Variants in AGPAT4 observed in about 807,000 individuals in gnomAD.
The protein encoded by AGPAT4 is 1-acylglycerol-3-phosphate O-acyltransferase 4, also known as 1-acyl-sn-glycerol-3-phosphate acyltransferase delta.
AGPAT4 carries 15 observed loss-of-function variants against 48.0 expected under a neutral mutation model. That is an observed-to-expected ratio of 0.31 (90% confidence interval 0.21 to 0.48). The LOEUF is 0.48. Among genes scored for constraint, AGPAT4 ranks in the 20% least tolerant of loss-of-function variants. The pLI is 0.99. For missense variants in AGPAT4, 314 were observed against 482.5 expected, an observed-to-expected ratio of 0.65 and a Z score of 3.27; for synonymous variants, 178 against 198.7, an observed-to-expected ratio of 0.90 and a Z score of 0.88.
chr6:161,248,839 A>T (rs1782734658), intron 1 of AGPAT4, among the ~76,000 whole-genome samples: 1 of 152,214 alleles, frequency 6.6e-6, no homozygotes, highest in Non-Finnish European at 1.5e-5. Context: ...TAAAATTCAT[A>T]TGGAACCAAA....
rs1562344742 is a variant in AGPAT4, at chr6:161,221,454, TA to T, written c.178+10581del. ...TCCTATCTTATCAATAAAATAAAGG[TA>T]GGGGTGGGAGAGATAGAAAGGAGAA... On this transcript the variant is annotated intron_variant, in intron 2 of 8. Coordinates refer to ENST00000320285, the MANE Select transcript of AGPAT4 (RefSeq NM_020133.3). The surrounding 1 kb of genome is among the most constrained non-coding windows in gnomAD (Gnocchi z 4.5). Among the ~76,000 whole-genome samples, 2 of 151,966 alleles carry T rather than the reference TA, an allele frequency of 1.3e-5. No homozygotes were observed. The highest frequency in any genetic ancestry group is 2.9e-5 in the Non-Finnish European group (2 of 68,002).
chr6:161,168,389 T>C (rs935746001), intron 2 of AGPAT4, among the ~76,000 whole-genome samples: 2 of 152,082 alleles, frequency 1.3e-5, no homozygotes, highest in African/African-American at 4.8e-5. Flanking sequence ...ACAGGCCAAA[T>C]GCCTCTCTGT....
Position 161,216,232 on chromosome 6 carries a change from A to G in AGPAT4, c.178+15804T>C, listed in dbSNP as rs368173408. ...GAACCCACGTTGGGGTTGGGTGGGA[A>G]TAACTCAATGGATGACTGAAGCAAA... On this transcript the variant is annotated intron_variant, in intron 2 of 8. Transcript: ENST00000320285. This position sits in a 1 kb window ranked among gnomAD's most constrained non-coding sequence, Gnocchi z 4.8. Among the ~76,000 whole-genome samples, 6 of 152,300 alleles carry G rather than the reference A, an allele frequency of 3.9e-5. No homozygotes were observed. The South Asian group carries it at 6.2e-4, about 16-fold the overall frequency.
chr6:161,181,948 G>A (rs1780610424), intron 2 of AGPAT4, among the ~76,000 whole-genome samples: 1 of 152,166 alleles, frequency 6.6e-6, no homozygotes, highest in African/African-American at 2.4e-5. Flanking sequence ...TACGTCCACA[G>A]CACATGAATG....
At position 161,266,429 on chromosome 6, in the gene AGPAT4, C is replaced by T. The variant is rs1171849958; in HGVS notation, c.-90+7509G>A. Reference sequence around the variant, plus strand: ...ATACCTCCATGCCATGAATGAGCACCCAGTGCAGTTATGAAGAGAGGACTG... The same window carrying T: ...ATACCTCCATGCCATGAATGAGCACTCAGTGCAGTTATGAAGAGAGGACTG... On this transcript the variant is annotated intron_variant, in intron 1 of 8. Transcript: ENST00000320285. The surrounding 1 kb of genome is among the most constrained non-coding windows in gnomAD (Gnocchi z 6.2). Among the ~76,000 whole-genome samples, 1 of 152,100 alleles carries T rather than the reference C, an allele frequency of 6.6e-6. No individual in the cohort carries two copies. The highest frequency in any genetic ancestry group is 2.4e-5 in the African/African-American group (1 of 41,402).
intron 2 of AGPAT4, among the ~76,000 whole-genome samples, chr6:161,230,372 A>G (rs561009872): frequency 1.0e-3 from 159 of 152,256 alleles, no homozygotes; most frequent in Non-Finnish European, 2.0e-3. Flanking sequence ...CCATAGGTGT[A>G]TGCAAGTCAC....
chr6:161,235,815 A>G lies in AGPAT4; in HGVS notation c.-89-3513T>C, dbSNP rs148588628. Among the ~76,000 whole-genome samples the G allele has an allele frequency of 1.5e-3, 236 of 152,270 alleles. 2 individuals carry two copies. The highest frequency in any genetic ancestry group is 4.2e-3 in the African/African-American group (176 of 41,560). On this transcript the variant is annotated intron_variant, in intron 1 of 8. Coordinates refer to ENST00000320285, the MANE Select transcript of AGPAT4 (RefSeq NM_020133.3). This position sits in a 1 kb window ranked among gnomAD's most constrained non-coding sequence, Gnocchi z 6.2. ...TACCAAGGGGGTACAGTGCTAAACC[A>G]TTCATGAGAACTCCGCCCCCGTGAT...
intron 2 of AGPAT4, among the ~76,000 whole-genome samples, chr6:161,199,810 G>A (rs1241434658): frequency 6.6e-6 from 1 of 152,182 alleles, no homozygotes; most frequent in African/African-American, 2.4e-5. Context: ...CAAGTTTCCT[G>A]AGGCCTCCCC....
intron 3 of AGPAT4, among the ~76,000 whole-genome samples, chr6:161,162,247 GGCACCCACGC>G (rs1296630914): frequency 6.6e-6 from 1 of 152,236 alleles, no homozygotes; most frequent in African/African-American, 2.4e-5. Context: ...CTGGCCTCCT[GGCACCCACGC>G]CCCTGCACAC....
At position 161,223,273 on chromosome 6, in the gene AGPAT4, G is replaced by A. The variant is rs1020316285; in HGVS notation, c.178+8763C>T. Among the ~76,000 whole-genome samples the A allele has an allele frequency of 9.2e-5, 14 of 152,196 alleles. No individual in the cohort carries two copies. Among genetic ancestry groups the A allele is most frequent in the African/African-American group, 1.9e-4 (8 of 41,442 alleles). On this transcript the variant is annotated intron_variant, in intron 2 of 8. Transcript: ENST00000320285. The surrounding 1 kb of genome is among the most constrained non-coding windows in gnomAD (Gnocchi z 6.3). ...GTTTGTTAAAGAATGCCTGCTGGGC[G>A]GCGACAGGCATTCTGCAGCGAATTA...
In AGPAT4 at chr6:161,264,653, T is replaced by C. The variant is rs529492612; in HGVS notation, c.-90+9285A>G. Among the ~76,000 whole-genome samples, 406 of 152,314 alleles carry C rather than the reference T, an allele frequency of 2.7e-3. No individual in the cohort carries two copies. The highest frequency in any genetic ancestry group is 9.0e-3 in the African/African-American group (373 of 41,572). On this transcript the variant is annotated intron_variant, in intron 1 of 8. Coordinates refer to ENST00000320285, the MANE Select transcript of AGPAT4 (RefSeq NM_020133.3). This position sits in a 1 kb window ranked among gnomAD's most constrained non-coding sequence, Gnocchi z 6.8. ...GGGCAGCAGGCTCCTCAAAGGCACT[T>C]GCAGGGTCGGCTCCCTCTTTGTATT...
At position 161,158,645 on chromosome 6, in the gene AGPAT4, G is replaced by A. The variant is rs186156637; in HGVS notation, c.349-4335C>T. Among the ~76,000 whole-genome samples the A allele has an allele frequency of 4.7e-4, 71 of 152,318 alleles. No individual in the cohort carries two copies. Among genetic ancestry groups the A allele is most frequent in the African/African-American group, 1.5e-3 (62 of 41,576 alleles). On this transcript the variant is annotated intron_variant, in intron 3 of 8. Transcript: ENST00000320285. The surrounding 1 kb of genome is among the most constrained non-coding windows in gnomAD (Gnocchi z 5.3). ...GCCAGCCCTTGCAGAGACCCTGGAC[G>A]TTGGGAAGAGCTGACGCAGAGAGGG...
Position 161,141,631 on chromosome 6 carries a change from A to T in AGPAT4, c.844-2011T>A, listed in dbSNP as rs1365466135. The stretch of plus-strand genomic sequence containing the variant: ...TCTTAAGATGTCACTTACATGCCAT[A>T]GAACTCACCCATTTTAAAAAATGGG... On this transcript the variant is annotated intron_variant, in intron 7 of 8. Coordinates refer to ENST00000320285, the MANE Select transcript of AGPAT4 (RefSeq NM_020133.3). This position sits in a 1 kb window ranked among gnomAD's most constrained non-coding sequence, Gnocchi z 6.7. Among the ~76,000 whole-genome samples the T allele has an allele frequency of 6.6e-6, 1 of 152,014 alleles. No homozygotes were observed. Among genetic ancestry groups the T allele is most frequent in the South Asian group, 2.1e-4 (1 of 4,808 alleles).
chr6:161,208,021 T>C lies in AGPAT4; in HGVS notation c.178+24015A>G, dbSNP rs1781424789. Among the ~76,000 whole-genome samples, 1 of 152,128 alleles carries C rather than the reference T, an allele frequency of 6.6e-6. No homozygotes were observed. On this transcript the variant is annotated intron_variant, in intron 2 of 8. Coordinates refer to ENST00000320285, the MANE Select transcript of AGPAT4 (RefSeq NM_020133.3). This position sits in a 1 kb window ranked among gnomAD's most constrained non-coding sequence, Gnocchi z 4.6. ...GATATTCTTATGAGAGGTAGAACAATGAGAGCTGAGAGAGATGGTAATAAC... is the reference window on the plus strand; with the variant it reads ...GATATTCTTATGAGAGGTAGAACAACGAGAGCTGAGAGAGATGGTAATAAC...
chr6:161,193,192 ATGTC>A (rs1400846877), intron 2 of AGPAT4, among the ~76,000 whole-genome samples: 7 of 152,130 alleles, frequency 4.6e-5, no homozygotes, highest in African/African-American at 1.7e-4. Flanking sequence ...GTATTTTTTC[ATGTC>A]TGTATCTCTG....
At position 161,220,007 on chromosome 6, in the gene AGPAT4, T is replaced by C. The variant is rs1781792363; in HGVS notation, c.178+12029A>G. Among the ~76,000 whole-genome samples the C allele has an allele frequency of 6.6e-6, 1 of 151,708 alleles. No individual in the cohort carries two copies. The highest frequency in any genetic ancestry group is 2.4e-5 in the African/African-American group (1 of 41,252). ...ATACATTTAAAAAATAAATGGATTA[T>C]TACTCAAAATACACAAGGCTTGCTA... On this transcript the variant is annotated intron_variant, in intron 2 of 8. Transcript: ENST00000320285. The surrounding 1 kb of genome is among the most constrained non-coding windows in gnomAD (Gnocchi z 6.0).
intron 1 of AGPAT4, among the ~76,000 whole-genome samples, chr6:161,273,159 G>A (rs1323020117): frequency 3.9e-5 from 6 of 152,196 alleles, no homozygotes; most frequent in African/African-American, 1.2e-4. Flanking sequence ...ATCTTAAGAA[G>A]TGTTTAGGTT....
chr6:161,179,854 T>C (rs1242010989), intron 2 of AGPAT4, among the ~76,000 whole-genome samples: 1 of 152,262 alleles, frequency 6.6e-6, no homozygotes, highest in East Asian at 1.9e-4. Context: ...TACATGTTAA[T>C]CAACTGTTTG....
rs1782929109 is a variant in AGPAT4 at position 161,255,807 on chromosome 6, C to A, written c.-90+18131G>T. The stretch of plus-strand genomic sequence containing the variant: ...TCAAAGTAGATAGTGGTGATGGTCG[C>A]ACAACCATGAATATACAAAAAGCCA... On this transcript the variant is annotated intron_variant, in intron 1 of 8. Coordinates refer to ENST00000320285, the MANE Select transcript of AGPAT4 (RefSeq NM_020133.3). The surrounding 1 kb of genome is among the most constrained non-coding windows in gnomAD (Gnocchi z 4.7). Among the ~76,000 whole-genome samples the A allele has an allele frequency of 6.6e-6, 1 of 151,988 alleles. No individual in the cohort carries two copies. Among genetic ancestry groups the A allele is most frequent in the Admixed American group, 6.6e-5 (1 of 15,258 alleles).
Sources: gnomAD v4.1 joint callset for allele counts (sites outside exome capture counted in the v4.1 genomes callset) on GRCh38, gnomAD v4.1.1 for gene constraint, Gnocchi (gnomAD v3.1) non-coding constraint, MANE v1.5 for transcripts, NCBI Gene and HGNC (gene_info 2026-07-23, HGNC 2026-07-21) for gene names.